Variants in ZNF577 observed in about 807,000 individuals in gnomAD.
The protein encoded by ZNF577 is zinc finger protein 577.
ZNF577 carries 14 observed loss-of-function variants against 13.9 expected under a neutral mutation model. The observed-to-expected ratio is 1.00, with a 90% confidence interval of 0.66 to 1.57. The LOEUF is 1.57. Among genes scored for constraint, ZNF577 ranks in the 40% most tolerant of loss-of-function variants. The pLI is 0.00. For missense variants in ZNF577, 555 were observed against 579.2 expected, an observed-to-expected ratio of 0.96 and a Z score of 0.43; for synonymous variants, 203 against 202.9, an observed-to-expected ratio of 1.00 and a Z score of 0.00.
chr19:51,880,252 G>C (rs1337180957), intron 3 of ZNF577, 71 bp downstream of exon 3: 3 of 1,470,212 alleles, frequency 2.0e-6, no homozygotes, highest in Non-Finnish European at 2.8e-6. Flanking sequence ...TGACTTTGAG[G>C]ATACCGTCAA....
intron 9 of ZNF577, among the ~76,000 whole-genome samples, chr19:51,813,546 T>C (rs2084113056): frequency 6.6e-6 from 1 of 151,994 alleles, no homozygotes; most frequent in South Asian, 2.1e-4. Flanking sequence ...TTTCCTTTTT[T>C]TTGAGACAGA....
At chr19:51,808,367 G>A (rs2084074328) in intron 10 of ZNF577, among the ~76,000 whole-genome samples, 1 of 152,144 alleles carries the variant, frequency 6.6e-6, no homozygotes, top group African/African-American at 2.4e-5. Context: ...GAGCTATTTT[G>A]AGATTCCATT....
intron 5 of ZNF577, among the ~76,000 whole-genome samples, chr19:51,875,543 C>T (rs1024162373): frequency 6.6e-6 from 1 of 152,188 alleles, no homozygotes; most frequent in Non-Finnish European, 1.5e-5. Context: ...CTGTAGCATT[C>T]AATAAAATAT....
intron 1 of ZNF577, among the ~76,000 whole-genome samples, chr19:51,885,162 A>G (rs2084924036): frequency 6.6e-6 from 1 of 152,158 alleles, no homozygotes; most frequent in Non-Finnish European, 1.5e-5. Flanking sequence ...AGGGGTTGGG[A>G]CTATTGTGGG....
intron 5 of ZNF577, among the ~76,000 whole-genome samples, chr19:51,853,184 G>C (rs921405369): frequency 6.6e-6 from 1 of 152,178 alleles, no homozygotes; most frequent in Non-Finnish European, 1.5e-5. Context: ...TGATCTGCCT[G>C]TTTTGGCTTC....
At chr19:51,879,994 A>G (rs975227448) in intron 3 of ZNF577, among the ~76,000 whole-genome samples, 7 of 152,220 alleles carry the variant, frequency 4.6e-5, no homozygotes, top group Non-Finnish European at 8.8e-5. Context: ...TCTCAATAAC[A>G]AAAATCTGGA....
chr19:51,842,801 A>G (rs1010605194), intron 8 of ZNF577: 5 of 152,170 alleles, frequency 3.3e-5, no homozygotes, highest in Middle Eastern at 3.2e-3. Flanking sequence ...ACTAACTCCC[A>G]TCGCATTGGT....
intron 9 of ZNF577, among the ~76,000 whole-genome samples, chr19:51,826,978 G>A (rs988388222): frequency 1.3e-5 from 2 of 152,144 alleles, no homozygotes; most frequent in African/African-American, 4.8e-5. Context: ...TACAATAGAG[G>A]TGTTACCTAT....
rs142154103 is a variant in ZNF577 at position 51,854,717 on chromosome 19, TTCTA to T, written c.284-9790_284-9787del. 6.8e-3 allele frequency among the ~76,000 whole-genome samples: 1,042 copies of T among 152,224 alleles called. 7 individuals are homozygous for T. Among genetic ancestry groups the T allele is most frequent in the African/African-American group, 0.024 (996 of 41,512 alleles). On this transcript the variant is annotated intron_variant and NMD_transcript_variant, in intron 5 of 10. Transcript: ENST00000638827. The stretch of plus-strand genomic sequence containing the variant: ...GCTTTGGCCATTATTTCTTCAAATA[TTCTA>T]TCTGTTGCTTATCCCCTCTATTTAC...
intron 5 of ZNF577, among the ~76,000 whole-genome samples, chr19:51,851,062 A>G (rs960452346): frequency 2.6e-5 from 4 of 152,224 alleles, no homozygotes; most frequent in Non-Finnish European, 5.9e-5. Flanking sequence ...TCAAATTCAT[A>G]TAAGATTTAG....
rs75316521 is a variant in ZNF577 at position 51,818,380 on chromosome 19, G to A, written c.*600-6706C>T. 9.7e-3 allele frequency among the ~76,000 whole-genome samples: 1,478 copies of A among 152,222 alleles called. 11 individuals are homozygous for A. The highest frequency in any genetic ancestry group is 0.024 in the Middle Eastern group (7 of 294). ...AAACTATAAGACACAAACACGGCCC[G>A]TGTTTACAGACCACATTGTGTTTCC... On this transcript the variant is annotated intron_variant and NMD_transcript_variant, in intron 9 of 10. Transcript: ENST00000638827.
At chr19:51,823,785 G>C in intron 9 of ZNF577, 3 of 1,609,554 alleles carry the variant, frequency 1.9e-6, no homozygotes, top group Non-Finnish European at 2.5e-6. Flanking sequence ...GAATGAAACT[G>C]AGGAGGTGCT....
intron 9 of ZNF577, chr19:51,823,607 T>C: frequency 1.4e-6 from 1 of 695,844 alleles, no homozygotes; most frequent in Admixed American, 3.0e-5. Flanking sequence ...GCCAATTTTA[T>C]GTTATAACCA....
Position 51,824,246 on chromosome 19 carries a change from A to C in ZNF577, c.*600-12572T>G, listed in dbSNP as rs748382050. 2 of 1,614,146 alleles carry C rather than the reference A, an allele frequency of 1.2e-6. No homozygotes were observed. Among genetic ancestry groups the C allele is most frequent in the Non-Finnish European group, 1.7e-6 (2 of 1,180,002 alleles). On this transcript the variant is annotated intron_variant and NMD_transcript_variant, in intron 9 of 10. Transcript: ENST00000638827. The surrounding 1 kb of genome is among the most constrained non-coding windows in gnomAD (Gnocchi z 4.7). ...TACCAAATTTCATCTTCTGGACTAC[A>C]ATAAGTACTACGAATGGGGACACAT...
chr19:51,865,349 G>A (rs551526105), downstream of ZNF577, among the ~76,000 whole-genome samples: 17 of 152,048 alleles, frequency 1.1e-4, no homozygotes, highest in South Asian at 6.2e-4. Flanking sequence ...CACCCACCTC[G>A]GCCTCCCAAA....
intron 1 of ZNF577, among the ~76,000 whole-genome samples, 179 bp downstream of exon 1, chr19:51,886,642 A>T (rs998039739): frequency 1.3e-5 from 2 of 152,230 alleles, no homozygotes; most frequent in African/African-American, 4.8e-5. Context: ...TAGGAAAGAG[A>T]AATAAAAACT....
At chr19:51,830,306 T>A (rs1048920626) in intron 9 of ZNF577, among the ~76,000 whole-genome samples, 2 of 152,308 alleles carry the variant, frequency 1.3e-5, no homozygotes, top group South Asian at 2.1e-4. Flanking sequence ...ACTGAAAACA[T>A]AAAAACCTTT....
intron 4 of ZNF577, chr19:51,877,756 G>A (rs1418323500): frequency 4.1e-5 from 7 of 171,558 alleles, no homozygotes; most frequent in Admixed American, 6.1e-5. Flanking sequence ...TCCACTTCTG[G>A]GTATATACCC....
intron 8 of ZNF577, among the ~76,000 whole-genome samples, chr19:51,840,305 G>T (rs1267830923): frequency 2.0e-5 from 3 of 152,136 alleles, no homozygotes; most frequent in Non-Finnish European, 4.4e-5. Context: ...CACCTATTTA[G>T]CCCCATAGGC....
Sources: allele counts gnomAD v4.1 joint callset (sites outside exome capture counted in the v4.1 genomes callset), GRCh38; gene constraint gnomAD v4.1.1; non-coding constraint Gnocchi (gnomAD v3.1); transcripts MANE v1.5; gene names NCBI Gene and HGNC (gene_info 2026-07-23, HGNC 2026-07-21).